Variants in PTPRD observed in about 807,000 individuals in gnomAD.
PTPRD encodes the protein receptor-type tyrosine-protein phosphatase delta.
In PTPRD, 34 loss-of-function variants were observed where a neutral mutation model predicts 214.5. The observed-to-expected ratio is 0.16, with a 90% CI of 0.12 to 0.21. The LOEUF (loss-of-function observed/expected upper bound fraction) is 0.21, where lower values mean the gene tolerates loss of function less well. Among genes scored for constraint, PTPRD ranks in the 10% least tolerant of loss-of-function variants. The probability of loss-of-function intolerance (pLI) is 1.00; values close to 1 mark genes in which losing one functional copy is unlikely to be tolerated. For synonymous variants in PTPRD, 1,128 were observed against 845.7 expected (o/e 1.33, Z -5.79); for missense variants, 2,545 against 2,398.7 (o/e 1.06, Z -1.27).
At chr9:10,364,174 TG>T (rs1274858932) in intron 2 of PTPRD, among the ~76,000 whole-genome samples, 1 of 151,736 alleles carries the variant, frequency 6.6e-6, no homozygotes, top group African/African-American at 2.4e-5. Context: ...TAATTTTTTT[TG>T]TATTTTTAGT....
intron 2 of PTPRD, among the ~76,000 whole-genome samples, chr9:10,569,310 C>G (rs2066685116): frequency 6.6e-6 from 1 of 152,128 alleles, no homozygotes; most frequent in Non-Finnish European, 1.5e-5. Flanking sequence ...TTACTCTTAT[C>G]TCCAGAAGGC....
chr9:10,168,892 A>G, intron 3 of PTPRD, among the ~76,000 whole-genome samples: 1 of 152,214 alleles, frequency 6.6e-6, no homozygotes, highest in African/African-American at 2.4e-5. Flanking sequence ...ATCTAGAAGT[A>G]GGGCAAACAG....
chr9:10,608,740 A>G (rs1447517047), intron 2 of PTPRD, among the ~76,000 whole-genome samples: 1 of 152,136 alleles, frequency 6.6e-6, no homozygotes, highest in Non-Finnish European at 1.5e-5. Context: ...CTACAATCAC[A>G]TCAGTGTTCT....
chr9:10,267,250 A>G (rs562712789), intron 3 of PTPRD, among the ~76,000 whole-genome samples: 33 of 152,008 alleles, frequency 2.2e-4, no homozygotes, highest in Admixed American at 9.2e-4. Context: ...AGATGGAGTT[A>G]CACCAACACT....
intron 9 of PTPRD, among the ~76,000 whole-genome samples, chr9:9,389,563 G>A (rs547360842): frequency 6.6e-6 from 1 of 152,124 alleles, no homozygotes; most frequent in East Asian, 1.9e-4. Context: ...ATCTCTAATT[G>A]CAATAACTTT....
chr9:10,087,681 G>T (rs1219964333), intron 3 of PTPRD, among the ~76,000 whole-genome samples: 1 of 151,610 alleles, frequency 6.6e-6, no homozygotes, highest in Non-Finnish European at 1.5e-5. Context: ...CTTTGAAGGT[G>T]GAACCGGGTG....
At chr9:9,234,805 A>C (rs1205714094) in intron 9 of PTPRD, among the ~76,000 whole-genome samples, 3 of 152,142 alleles carry the variant, frequency 2.0e-5, no homozygotes, top group Non-Finnish European at 4.4e-5. Context: ...CCATACCACT[A>C]TCAGCATTTC....
chr9:10,396,274 T>A (rs1213817234), intron 2 of PTPRD, among the ~76,000 whole-genome samples: 1 of 151,984 alleles, frequency 6.6e-6, no homozygotes, highest in African/African-American at 2.4e-5. Context: ...TTTATTTTAC[T>A]TTCCCTGAAA....
In PTPRD at chr9:8,959,323, A is replaced by T. The variant is rs79501439; in HGVS notation, c.-104+59374T>A. ...TTACAGTGAGGGCTCAGGAGAGGGG[A>T]TCTCTGAGAAACTGACTTTTACTTC... On this transcript the variant is annotated intron_variant, in intron 11 of 45. Transcript: ENST00000381196. Among the ~76,000 whole-genome samples, 14 of 152,116 alleles carry T rather than the reference A, an allele frequency of 9.2e-5. No homozygotes were observed. In the East Asian group the frequency reaches 2.7e-3, roughly 29 times the overall value.
intron 2 of PTPRD, among the ~76,000 whole-genome samples, chr9:10,527,941 C>A (rs963628748): frequency 6.6e-6 from 1 of 152,036 alleles, no homozygotes; most frequent in Non-Finnish European, 1.5e-5. Flanking sequence ...TTTATATACA[C>A]TATATTCTAA....
chr9:8,811,151 T>C (rs975608331), intron 11 of PTPRD, among the ~76,000 whole-genome samples: 1 of 152,124 alleles, frequency 6.6e-6, no homozygotes, highest in Non-Finnish European at 1.5e-5. Context: ...ACTGTAAACA[T>C]AGTGCAGGTC....
chr9:9,998,129 A>AAAAAAAATATATAT (rs57991748), intron 4 of PTPRD, among the ~76,000 whole-genome samples: 45 of 91,452 alleles, frequency 4.9e-4, no homozygotes, highest in South Asian at 2.0e-3. Context: ...AAAAAAAAAA[A>AAAAAAAATATATAT]ATATATATAT....
At chr9:10,410,270 T>TATATATATACACACAC (rs532202941) in intron 2 of PTPRD, among the ~76,000 whole-genome samples, 1 of 139,850 alleles carries the variant, frequency 7.2e-6, no homozygotes, top group Admixed American at 7.4e-5. Flanking sequence ...TATATATATA[T>TATATATATACACACAC]ACACACACAC....
At chr9:8,365,059 C>A (rs192211362) in intron 39 of PTPRD, among the ~76,000 whole-genome samples, 1 of 152,004 alleles carries the variant, frequency 6.6e-6, no homozygotes, top group Non-Finnish European at 1.5e-5. Context: ...AGTCTGAAGA[C>A]TTGAGTCCAG....
At chr9:8,952,391 C>A (rs1163713232) in intron 11 of PTPRD, among the ~76,000 whole-genome samples, 1 of 151,962 alleles carries the variant, frequency 6.6e-6, no homozygotes, top group Non-Finnish European at 1.5e-5. Context: ...ATGCACAGGG[C>A]AATTTTTCTT....
intron 3 of PTPRD, among the ~76,000 whole-genome samples, chr9:10,279,005 G>A (rs148048113): frequency 0.023 from 3,433 of 152,072 alleles, 50 homozygotes; most frequent in Non-Finnish European, 0.026. Context: ...CGATCTCCTG[G>A]CCTCGTGATC....
chr9:10,575,980 T>C (rs142640322), intron 2 of PTPRD, among the ~76,000 whole-genome samples: 37 of 152,254 alleles, frequency 2.4e-4, no homozygotes, highest in Admixed American at 2.0e-3. Context: ...ATGATCAGAT[T>C]AGGATGGTTA....
chr9:8,803,234 A>G (rs1293033741), intron 11 of PTPRD, among the ~76,000 whole-genome samples: 1 of 152,112 alleles, frequency 6.6e-6, no homozygotes, highest in African/African-American at 2.4e-5. Flanking sequence ...AGTGTTTGTG[A>G]AAAAAAGTCC....
intron 2 of PTPRD, among the ~76,000 whole-genome samples, chr9:10,570,789 G>A (rs1460206467): frequency 6.6e-6 from 1 of 152,012 alleles, no homozygotes; most frequent in African/African-American, 2.4e-5. Context: ...CTTCAAGCCT[G>A]GAGCTCAGGC....
Sources: gnomAD v4.1 joint callset for allele counts (sites outside exome capture counted in the v4.1 genomes callset) on GRCh38, gnomAD v4.1.1 for gene constraint, MANE v1.5 for transcripts, NCBI Gene and HGNC (gene_info 2026-07-23, HGNC 2026-07-21) for gene names.